PTPRD: variants seen among roughly 807,000 people sequenced by gnomAD.
PTPRD encodes the protein protein tyrosine phosphatase receptor type D.
PTPRD carries 34 observed loss-of-function variants against 214.5 expected under a neutral mutation model. That is an observed-to-expected ratio of 0.16 (90% confidence interval 0.12 to 0.21). PTPRD has a LOEUF of 0.21. Ranked by LOEUF, PTPRD falls within the 10% of genes least tolerant of loss-of-function variation. The pLI, the probability that PTPRD is intolerant of heterozygous loss-of-function variation, is 1.00. For missense variants in PTPRD, 2,545 were observed against 2,398.7 expected (o/e 1.06, Z -1.27); for synonymous variants, 1,128 against 845.7 (o/e 1.33, Z -5.79).
At chr9:10,263,885 C>A (rs2154377652) in intron 3 of PTPRD, among the ~76,000 whole-genome samples, 1 of 152,206 alleles carries the variant, frequency 6.6e-6, no homozygotes, top group Non-Finnish European at 1.5e-5. Context: ...AGGCCAGGGA[C>A]CCTCCTGCTG....
At chr9:9,127,469 CA>C (rs2099835813) in intron 10 of PTPRD, among the ~76,000 whole-genome samples, 1 of 152,068 alleles carries the variant, frequency 6.6e-6, no homozygotes, top group Non-Finnish European at 1.5e-5. Flanking sequence ...ACAAGACTTG[CA>C]GATAATTTAG....
At chr9:9,214,911 T>A (rs1474174646) in intron 9 of PTPRD, among the ~76,000 whole-genome samples, 2 of 152,202 alleles carry the variant, frequency 1.3e-5, no homozygotes, top group Non-Finnish European at 2.9e-5. Context: ...GTAATCGAGA[T>A]AACACAGTTG....
chr9:8,911,903 A>G lies in PTPRD; in HGVS notation c.-104+106794T>C, dbSNP rs1465177546. Among the ~76,000 whole-genome samples the G allele has an allele frequency of 2.6e-5, 4 of 152,200 alleles. No homozygotes were observed. The East Asian group carries it at 7.7e-4, about 29-fold the overall frequency. On this transcript the variant is annotated intron_variant, in intron 11 of 45. Transcript: ENST00000381196. The stretch of plus-strand genomic sequence containing the variant: ...AAGATATATGAATGATTAATAAAAA[A>G]ATTCTCGCTTCGTTAGTCATTAGAT...
chr9:8,998,453 C>T (rs536828472), intron 11 of PTPRD, among the ~76,000 whole-genome samples: 23 of 151,984 alleles, frequency 1.5e-4, no homozygotes, highest in African/African-American at 3.6e-4. Flanking sequence ...CATGACTTAC[C>T]GTGAATATTT....
At chr9:10,352,458 T>C (rs1597833863) in intron 2 of PTPRD, among the ~76,000 whole-genome samples, 1 of 152,046 alleles carries the variant, frequency 6.6e-6, no homozygotes, top group Admixed American at 6.6e-5. Flanking sequence ...ACATGATTTA[T>C]TGCTATTCAA....
intron 2 of PTPRD, among the ~76,000 whole-genome samples, chr9:10,349,004 T>A (rs1040917875): frequency 6.6e-6 from 1 of 152,074 alleles, no homozygotes; most frequent in Non-Finnish European, 1.5e-5. Context: ...ACAGGGGACA[T>A]AGGACAGAAC....
chr9:9,851,382 T>C (rs4740993), intron 5 of PTPRD, among the ~76,000 whole-genome samples: 37,968 of 152,096 alleles, frequency 0.25, 6,080 homozygotes, highest in East Asian at 0.81. Context: ...ATCTGTTCCA[T>C]TGAGTCAATG....
intron 2 of PTPRD, among the ~76,000 whole-genome samples, chr9:10,577,099 T>A (rs1211380505): frequency 1.1e-5 from 1 of 93,888 alleles, no homozygotes; most frequent in Non-Finnish European, 2.6e-5. Flanking sequence ...AAAGCTGTAA[T>A]TTTTTTTTTA....
At chr9:9,473,867 A>G (rs1228598269) in intron 8 of PTPRD, among the ~76,000 whole-genome samples, 1 of 142,138 alleles carries the variant, frequency 7.0e-6, no homozygotes, top group African/African-American at 2.6e-5. Context: ...TATTCTGGAT[A>G]TTTAGTCCTT....
At chr9:10,497,861 A>C (rs1352038993) in intron 2 of PTPRD, among the ~76,000 whole-genome samples, 2 of 152,044 alleles carry the variant, frequency 1.3e-5, no homozygotes, top group Non-Finnish European at 2.9e-5. Flanking sequence ...GACTATAAAA[A>C]ACAGTATTAA....
At chr9:10,277,709 T>G (rs1245372236) in intron 3 of PTPRD, among the ~76,000 whole-genome samples, 1 of 152,208 alleles carries the variant, frequency 6.6e-6, no homozygotes, top group Non-Finnish European at 1.5e-5. Context: ...TATATGCTCT[T>G]TTGTGATATT....
At chr9:10,527,707 AT>A (rs2054738269) in intron 2 of PTPRD, among the ~76,000 whole-genome samples, 1 of 152,140 alleles carries the variant, frequency 6.6e-6, no homozygotes, top group African/African-American at 2.4e-5. Flanking sequence ...ATTCACACTG[AT>A]AATTCCGTTA....
At chr9:10,280,847 T>G (rs1189294761) in intron 3 of PTPRD, among the ~76,000 whole-genome samples, 1 of 152,028 alleles carries the variant, frequency 6.6e-6, no homozygotes, top group African/African-American at 2.4e-5. Context: ...ACTCCTGGGC[T>G]CAAGCTGTCC....
intron 10 of PTPRD, among the ~76,000 whole-genome samples, chr9:9,147,937 T>C (rs945078519): frequency 2.0e-5 from 3 of 152,182 alleles, no homozygotes; most frequent in Non-Finnish European, 4.4e-5. Flanking sequence ...ATTGGTGCTT[T>C]ACTAAGCTTT....
chr9:8,974,795 T>A (rs1313970150), intron 11 of PTPRD, among the ~76,000 whole-genome samples: 1 of 151,996 alleles, frequency 6.6e-6, no homozygotes, highest in Non-Finnish European at 1.5e-5. Flanking sequence ...ACATACCCTA[T>A]GCACCAAGAA....
chr9:8,713,508 G>T, intron 12 of PTPRD: 1 of 1,177,074 alleles, frequency 8.5e-7, no homozygotes, highest in East Asian at 2.4e-5. Context: ...ACTGTGGTCA[G>T]GTGTTTGAGA....
intron 7 of PTPRD, among the ~76,000 whole-genome samples, chr9:9,631,005 A>C (rs2095572324): frequency 1.3e-5 from 2 of 152,072 alleles, no homozygotes; most frequent in Admixed American, 6.6e-5. Flanking sequence ...CCTTTAATGA[A>C]AGGGGCAGTC....
chr9:9,444,131 G>A (rs945435071), intron 8 of PTPRD, among the ~76,000 whole-genome samples: 2 of 152,004 alleles, frequency 1.3e-5, no homozygotes, highest in African/African-American at 4.8e-5. Context: ...AGAAAGTTTT[G>A]CTGTTGATTT....
chr9:8,518,119 G>A lies in PTPRD; in HGVS notation c.1272C>T (p.Val424=), dbSNP rs745457887. 6.2e-7 allele frequency: 1 copy of A among 1,614,154 alleles called. No individual in the cohort carries two copies. Among genetic ancestry groups the A allele is most frequent in the Non-Finnish European group, 8.5e-7 (1 of 1,180,020 alleles). ...TGGTCGAACTCAACATTCGTGCCTG[G>A]ACATCCCTCGGGGCACTGGATGGTG... ...EQAPSSAPRD[V]QARMLSSTTI... Residue 424 remains valine (V), a synonymous_variant, in exon 21 of 46, where the codon GTC becomes GTT. Coordinates refer to ENST00000381196, the MANE Select transcript of PTPRD (RefSeq NM_002839.4).
Sources: allele counts gnomAD v4.1 joint callset (sites outside exome capture counted in the v4.1 genomes callset), GRCh38; gene constraint gnomAD v4.1.1; transcripts MANE v1.5; gene names NCBI Gene and HGNC (gene_info 2026-07-23, HGNC 2026-07-21).